STAT1: variants seen among roughly 807,000 people sequenced by gnomAD.
The protein encoded by STAT1 is signal transducer and activator of transcription 1-alpha/beta.
A neutral mutation model predicts 111.7 loss-of-function variants in STAT1; 24 were observed. The observed-to-expected ratio is 0.21, with a 90% CI of 0.16 to 0.30. STAT1 has a LOEUF of 0.30. STAT1 is among the 10% of genes least tolerant of loss of function. STAT1 has a pLI of 1.00. For missense variants in STAT1, 351 were observed against 911.9 expected (o/e 0.38, Z 7.92); for synonymous variants, 332 against 326.5 (o/e 1.02, Z -0.18).
In STAT1 at chr2:190,974,720, C is replaced by T. The variant is rs987473761; in HGVS notation, c.2238+110G>A. Reference sequence around the variant, plus strand: ...TCTGAGCACTGCACTCTCCTTGGCTCCGCCAGGGCTCCCTCCCGCAGACAG... The same window carrying T: ...TCTGAGCACTGCACTCTCCTTGGCTTCGCCAGGGCTCCCTCCCGCAGACAG... On this transcript the variant is annotated intron_variant, in intron 24 of 24. Transcript: ENST00000361099. The surrounding 1 kb of genome is among the most constrained non-coding windows in gnomAD (Gnocchi z 4.8). The T allele has an allele frequency of 2.8e-5, 27 of 967,066 alleles. No homozygotes were observed. The highest frequency in any genetic ancestry group is 4.3e-5 in the Non-Finnish European group (26 of 606,190). The allele number at this position is 967,066 out of a possible 1,614,324, so 59.9% of individuals were successfully genotyped here.
intron 10 of STAT1, 24 bp from the exon 11 acceptor site, chr2:190,991,344 G>T (rs560694057): frequency 2.5e-6 from 4 of 1,611,296 alleles, no homozygotes; most frequent in South Asian, 2.2e-5. Flanking sequence ...GCAAAGGATA[G>T]ATAAGTTAGC....
chr2:191,013,138 T>C (rs1458162378), intron 2 of STAT1, among the ~76,000 whole-genome samples: 1 of 152,186 alleles, frequency 6.6e-6, no homozygotes, highest in Non-Finnish European at 1.5e-5. Context: ...AAATTATGTA[T>C]ATTTCAGACG....
chr2:190,997,303 G>C lies in STAT1; in HGVS notation c.785+553C>G, dbSNP rs746561539. On this transcript the variant is annotated intron_variant, in intron 9 of 24. Transcript: ENST00000361099. The surrounding 1 kb of genome is among the most constrained non-coding windows in gnomAD (Gnocchi z 7.3). ...CTTTGTCCTCCACAGAATTCTGATG[G>C]CCTTTTGCTAGAGCACCTGGATACT... is the stretch of plus-strand genomic sequence containing the variant. 1.3e-4 allele frequency among the ~76,000 whole-genome samples: 20 copies of C among 152,268 alleles called. No individual in the cohort carries two copies. The highest frequency in any genetic ancestry group is 2.6e-4 in the Admixed American group (4 of 15,300).
In STAT1 at chr2:191,000,138, T is replaced by C. The variant is rs1486416032; in HGVS notation, c.463-434A>G. Among the ~76,000 whole-genome samples, 4 of 152,250 alleles carry C rather than the reference T, an allele frequency of 2.6e-5. No individual in the cohort carries two copies. The highest frequency in any genetic ancestry group is 9.6e-5 in the African/African-American group (4 of 41,464). On this transcript the variant is annotated intron_variant, in intron 6 of 24. Transcript: ENST00000361099. This position sits in a 1 kb window ranked among gnomAD's most constrained non-coding sequence, Gnocchi z 4.8. ...CTTTACCGGGATAGACCTGGTTTCA[T>C]ACTTGCTGTAATTATAAACAGTGCC...
At position 190,978,767 on chromosome 2, in the gene STAT1, C is replaced by G; in HGVS notation, c.1873+89G>C. The G allele has an allele frequency of 6.5e-7, 1 of 1,533,146 alleles. No homozygotes were observed. Among genetic ancestry groups the G allele is most frequent in the South Asian group, 1.2e-5 (1 of 84,768 alleles). 95.0% of individuals were successfully genotyped at this position (1,533,146 alleles called of 1,614,324 possible). ...AAGATCTGCAATTTCATGTCCCAAA[C>G]GCACTATCTGTATGAGCTGACTGGC... On this transcript the variant is annotated intron_variant, in intron 21 of 24. Coordinates refer to ENST00000361099, the MANE Select transcript of STAT1 (RefSeq NM_007315.4). This position sits in a 1 kb window ranked among gnomAD's most constrained non-coding sequence, Gnocchi z 6.1.
rs1011592854 is a variant in STAT1, at chr2:190,970,011, T to C, written c.*692A>G. On this transcript the variant is annotated 3_prime_UTR_variant, in exon 25 of 25. Transcript: ENST00000361099. The surrounding 1 kb of genome is among the most constrained non-coding windows in gnomAD (Gnocchi z 5.4). ...GAATTTGGAAATGTACATCCTTCTA[T>C]TGATATTAGCTAGTGTCATTAAGCC... is the stretch of plus-strand genomic sequence containing the variant. 1 of 153,794 alleles carries C rather than the reference T, an allele frequency of 6.5e-6. No individual in the cohort carries two copies. Among genetic ancestry groups the C allele is most frequent in the Admixed American group, 6.4e-5 (1 of 15,538 alleles). 9.5% of individuals were successfully genotyped at this position (153,794 alleles called of 1,614,324 possible).
rs45621234 is a variant in STAT1 at position 190,987,899 on chromosome 2, T to G, written c.1098-831A>C. Reference sequence around the variant, plus strand: ...AAAAAAGAATTTAAAATAAAAGGGATAGTATGATAAAAGCTGACTTGTCAA... The same window carrying G: ...AAAAAAGAATTTAAAATAAAAGGGAGAGTATGATAAAAGCTGACTTGTCAA... On this transcript the variant is annotated intron_variant, in intron 12 of 24. Coordinates refer to ENST00000361099, the MANE Select transcript of STAT1 (RefSeq NM_007315.4). This position sits in a 1 kb window ranked among gnomAD's most constrained non-coding sequence, Gnocchi z 4.0. Among the ~76,000 whole-genome samples, 704 of 152,144 alleles carry G rather than the reference T, an allele frequency of 4.6e-3. 26 individuals carry two copies. The East Asian group carries it at 0.089, about 19-fold the overall frequency.
rs1388267667 is a variant in STAT1 at position 190,980,373 on chromosome 2, G to T, written c.1632+247C>A. Among the ~76,000 whole-genome samples the T allele has an allele frequency of 6.6e-6, 1 of 152,236 alleles. No homozygotes were observed. On this transcript the variant is annotated intron_variant, in intron 19 of 24. Coordinates refer to ENST00000361099, the MANE Select transcript of STAT1 (RefSeq NM_007315.4). The surrounding 1 kb of genome is among the most constrained non-coding windows in gnomAD (Gnocchi z 6.1). Reference sequence around the variant, plus strand: ...TGCTGGGCAGGGGTCCAGCGTGAGTGAACAGAAGCCTCATTTCAGATATGA... The same window carrying T: ...TGCTGGGCAGGGGTCCAGCGTGAGTTAACAGAAGCCTCATTTCAGATATGA...
rs1375266912 is a variant in STAT1 at position 190,990,199 on chromosome 2, G to C, written c.1038-525C>G. Among the ~76,000 whole-genome samples the C allele has an allele frequency of 1.3e-5, 2 of 152,180 alleles. No homozygotes were observed. Among genetic ancestry groups the C allele is most frequent in the African/African-American group, 4.8e-5 (2 of 41,452 alleles). ...GGTGTACCTCTGCTCCACTGAGCTGGAGACTTTGAGAAGGAGACCCCGGGG... is the reference window on the plus strand; with the variant it reads ...GGTGTACCTCTGCTCCACTGAGCTGCAGACTTTGAGAAGGAGACCCCGGGG... On this transcript the variant is annotated intron_variant, in intron 11 of 24. Transcript: ENST00000361099. The surrounding 1 kb of genome is among the most constrained non-coding windows in gnomAD (Gnocchi z 5.1).
chr2:190,999,299 G>A lies in STAT1; in HGVS notation c.541+327C>T, dbSNP rs527802937. Among the ~76,000 whole-genome samples the A allele has an allele frequency of 6.7e-4, 102 of 152,084 alleles. No homozygotes were observed. The highest frequency in any genetic ancestry group is 1.2e-3 in the Non-Finnish European group (80 of 68,008). On this transcript the variant is annotated intron_variant, in intron 7 of 24. Coordinates refer to ENST00000361099, the MANE Select transcript of STAT1 (RefSeq NM_007315.4). This position sits in a 1 kb window ranked among gnomAD's most constrained non-coding sequence, Gnocchi z 4.1. ...CACATAACCAGTGGTTATCAAGTAG[G>A]GGTCACTGACCCCTAGGGGACTTTT... is the stretch of plus-strand genomic sequence containing the variant.
At chr2:191,008,503 A>G (rs2125099438) in intron 4 of STAT1, among the ~76,000 whole-genome samples, 1 of 152,328 alleles carries the variant, frequency 6.6e-6, no homozygotes, top group Middle Eastern at 3.4e-3. Context: ...GGTGGAGTCT[A>G]GTTCCTGAAG....
In STAT1 at chr2:190,999,823, A is replaced by G. The variant is rs538726847; in HGVS notation, c.463-119T>C. On this transcript the variant is annotated intron_variant, in intron 6 of 24. Transcript: ENST00000361099. This position sits in a 1 kb window ranked among gnomAD's most constrained non-coding sequence, Gnocchi z 4.1. ...ACGAAAACAATTCCATCTCCCCCAAAAAGAGATCTGACTTGGACAGTTCTA... is the reference window on the plus strand; with the variant it reads ...ACGAAAACAATTCCATCTCCCCCAAGAAGAGATCTGACTTGGACAGTTCTA... The G allele has an allele frequency of 2.7e-6, 2 of 730,254 alleles. No individual in the cohort carries two copies. Among genetic ancestry groups the G allele is most frequent in the South Asian group, 3.0e-5 (2 of 66,976 alleles). 45.2% of individuals were successfully genotyped at this position (730,254 alleles called of 1,614,324 possible).
At position 191,000,180 on chromosome 2, in the gene STAT1, T is replaced by C. The variant is rs1174392955; in HGVS notation, c.463-476A>G. On this transcript the variant is annotated intron_variant, in intron 6 of 24. Transcript: ENST00000361099. This position sits in a 1 kb window ranked among gnomAD's most constrained non-coding sequence, Gnocchi z 4.8. ...AACAGTGCCCTCTTGGCGGCTCAAATGCATCTCCATCTGGACAATAAATTG... is the reference window on the plus strand; with the variant it reads ...AACAGTGCCCTCTTGGCGGCTCAAACGCATCTCCATCTGGACAATAAATTG... 6.6e-6 allele frequency among the ~76,000 whole-genome samples: 1 copy of C among 152,252 alleles called. No homozygotes were observed. Among genetic ancestry groups the C allele is most frequent in the Non-Finnish European group, 1.5e-5 (1 of 68,046 alleles).
At position 190,995,750 on chromosome 2, in the gene STAT1, G is replaced by T. The variant is rs1693807609; in HGVS notation, c.786-531C>A. ...AAAGGGAACGAGGCTTGTGCCAGCA[G>T]TAGAAGCTTTGTTATTTGAGGAGTA... On this transcript the variant is annotated intron_variant, in intron 9 of 24. Transcript: ENST00000361099. This position sits in a 1 kb window ranked among gnomAD's most constrained non-coding sequence, Gnocchi z 4.2. Among the ~76,000 whole-genome samples the T allele has an allele frequency of 6.6e-6, 1 of 152,234 alleles. No homozygotes were observed. Among genetic ancestry groups the T allele is most frequent in the Non-Finnish European group, 1.5e-5 (1 of 68,044 alleles).
At position 190,974,713 on chromosome 2, in the gene STAT1, C is replaced by A. The variant is rs1691766638; in HGVS notation, c.2238+117G>T. 1.1e-6 allele frequency: 1 copy of A among 892,250 alleles called. No homozygotes were observed. The highest frequency in any genetic ancestry group is 1.8e-6 in the Non-Finnish European group (1 of 541,094). The allele number at this position is 892,250 out of a possible 1,614,324, so 55.3% of individuals were successfully genotyped here. A position where few individuals can be genotyped will look rare whatever the true frequency, so the allele number is the denominator to read the frequency against. On this transcript the variant is annotated intron_variant, in intron 24 of 24. Coordinates refer to ENST00000361099, the MANE Select transcript of STAT1 (RefSeq NM_007315.4). The surrounding 1 kb of genome is among the most constrained non-coding windows in gnomAD (Gnocchi z 4.8). ...TGGCTCATCTGAGCACTGCACTCTC[C>A]TTGGCTCCGCCAGGGCTCCCTCCCG...
In STAT1 at chr2:190,987,586, C is replaced by T. The variant is rs1692953215; in HGVS notation, c.1098-518G>A. Reference sequence around the variant, plus strand: ...TTTATTCTCTATGATCTTTAATGCTCTCATGAAAGTACCAGGAAAGTCAGT... The same window carrying T: ...TTTATTCTCTATGATCTTTAATGCTTTCATGAAAGTACCAGGAAAGTCAGT... On this transcript the variant is annotated intron_variant, in intron 12 of 24. Coordinates refer to ENST00000361099, the MANE Select transcript of STAT1 (RefSeq NM_007315.4). This position sits in a 1 kb window ranked among gnomAD's most constrained non-coding sequence, Gnocchi z 4.0. Among the ~76,000 whole-genome samples, 1 of 152,170 alleles carries T rather than the reference C, an allele frequency of 6.6e-6. No homozygotes were observed. The highest frequency in any genetic ancestry group is 1.5e-5 in the Non-Finnish European group (1 of 68,046).
chr2:191,011,615 T>C (rs1418503108), intron 2 of STAT1, among the ~76,000 whole-genome samples: 1 of 152,052 alleles, frequency 6.6e-6, no homozygotes, highest in African/African-American at 2.4e-5. Flanking sequence ...AATTGTAATA[T>C]AATTCCCATG....
Position 190,995,209 on chromosome 2 carries a change from C to T in STAT1, c.796G>A (p.Val266Ile), listed in dbSNP as rs41473544. ...LDQLQNWFTI[V>I]AESLQQVRQQ... ...CGAACTTGCTGCAGACTCTCCGCAA[C>T]TATAGTGAACCTGGGAAGACACAAG... The change falls in exon 10 of 25, where the codon GTT becomes ATT. Residue 266 changes from valine (V) to isoleucine (I), a missense_variant. This residue lies in a region of STAT1 where 67 missense variants were observed against 158.9 expected (regional missense o/e 0.42). Coordinates refer to ENST00000361099, the MANE Select transcript of STAT1 (RefSeq NM_007315.4). This position sits in a 1 kb window ranked among gnomAD's most constrained non-coding sequence, Gnocchi z 4.2. The T allele has an allele frequency of 3.1e-3, 5,072 of 1,613,894 alleles. 15 individuals carry two copies. Among genetic ancestry groups the T allele is most frequent in the Non-Finnish European group, 3.7e-3 (4,309 of 1,179,946 alleles).
chr2:191,011,469 C>T (rs578065805), intron 2 of STAT1, among the ~76,000 whole-genome samples: 24 of 152,246 alleles, frequency 1.6e-4, no homozygotes, highest in African/African-American at 4.8e-4. Context: ...CAGGTTGGAG[C>T]GCAGTGGCAG....
Sources: gnomAD v4.1 joint callset for allele counts (sites outside exome capture counted in the v4.1 genomes callset) on GRCh38, gnomAD v4.1.1 for gene constraint, gnomAD v4.1.1 regional missense constraint, Gnocchi (gnomAD v3.1) non-coding constraint, MANE v1.5 for transcripts, NCBI Gene and HGNC (gene_info 2026-07-23, HGNC 2026-07-21) for gene names.